IDE: variants seen among roughly 807,000 people sequenced by gnomAD.
The protein encoded by IDE is insulin degrading enzyme.
A neutral mutation model predicts 133.2 loss-of-function variants in IDE; 58 were observed. That is an observed-to-expected ratio of 0.44 (90% CI 0.35 to 0.54). The LOEUF is 0.54. Ranked by LOEUF, IDE falls within the 20% of genes least tolerant of loss-of-function variation. The pLI is 0.00. For missense variants in IDE, 981 were observed against 1,234.0 expected (o/e 0.79, Z 3.07); for synonymous variants, 396 against 421.3 (o/e 0.94, Z 0.73).
rs188048106 is a variant in IDE at position 92,556,034 on chromosome 10, G to A, written c.98+17888C>T. 2.1e-4 allele frequency among the ~76,000 whole-genome samples: 32 copies of A among 151,670 alleles called. No homozygotes were observed. The East Asian group carries it at 2.9e-3, about 14-fold the overall frequency. ...TAAAAATACAAAAAATTAGCGGGGC[G>A]CGGTGGCGGGCGCCTGTAGTCCCAG... On this transcript the variant is annotated intron_variant, in intron 1 of 24. Coordinates refer to ENST00000265986, the MANE Select transcript of IDE (RefSeq NM_004969.4).
At chr10:92,504,728 T>C in intron 11 of IDE, 66 bp downstream of exon 11, 13 of 835,250 alleles carry the variant, frequency 1.6e-5, no homozygotes, top group Non-Finnish European at 2.4e-5. Context: ...CAATTTCAAA[T>C]TTTTTCAGAT....
intron 22 of IDE, 69 bp downstream of exon 22, chr10:92,461,122 T>G: frequency 1.3e-6 from 1 of 771,914 alleles, no homozygotes; most frequent in Non-Finnish European, 2.3e-6. Flanking sequence ...ATTACAGGTG[T>G]AGGCCGCCAT....
chr10:92,482,596 A>G (rs1174464169), intron 14 of IDE, among the ~76,000 whole-genome samples: 2 of 152,112 alleles, frequency 1.3e-5, no homozygotes, highest in East Asian at 3.8e-4. Context: ...ACCCCAAATT[A>G]TTTATTCTTT....
In IDE at chr10:92,461,209, A is replaced by T. The variant is rs749319197; in HGVS notation, c.2805T>A (p.Asp935Glu). The change falls in exon 22 of 25, where the codon GAT becomes GAA. Residue 935 changes from aspartate to glutamate, a missense_variant. By Grantham distance (45) the Asp-to-Glu change is conservative. Around this residue, in one of 2 missense-constraint regions of IDE, gnomAD observed 660 missense variants for 894.7 expected, o/e 0.74. Coordinates refer to ENST00000265986, the MANE Select transcript of IDE (RefSeq NM_004969.4). ...GACTTACCTTGTAGAATTTGATGAT[A>T]TCTTCCTTGGTAAGTGTCTTTAAAT... ...VAYLKTLTKE[D>E]IIKFYKEMLA... 4 of 1,439,562 alleles carry T rather than the reference A, an allele frequency of 2.8e-6. No individual in the cohort carries two copies. Among genetic ancestry groups the T allele is most frequent in the Admixed American group, 1.7e-5 (1 of 59,390 alleles). The allele number at this position is 1,439,562 out of a possible 1,614,324, so 89.2% of individuals were successfully genotyped here.
In IDE at chr10:92,488,959, A is replaced by T. The variant is rs1325265641; in HGVS notation, c.1533+1534T>A. Among the ~76,000 whole-genome samples the T allele has an allele frequency of 1.1e-4, 16 of 141,302 alleles. No individual in the cohort carries two copies. The Admixed American group carries it at 1.1e-3, about 10-fold the overall frequency. The allele number at this position is 141,302 out of a possible 152,430, so 92.7% of individuals were successfully genotyped here. ...AAAAAAAAAAAAAAAAAAAAAAGCA[A>T]CTGGCCAGGAGTAAAAAGCAACCAG... On this transcript the variant is annotated intron_variant, in intron 12 of 24. Coordinates refer to ENST00000265986, the MANE Select transcript of IDE (RefSeq NM_004969.4).
chr10:92,459,880 T>A (rs1025325696), intron 22 of IDE, among the ~76,000 whole-genome samples: 12 of 143,194 alleles, frequency 8.4e-5, no homozygotes, highest in African/African-American at 1.3e-4. Context: ...CCCGGGCTGG[T>A]GTGCAGTGGT....
At chr10:92,559,694 G>C (rs1843185687) in intron 1 of IDE, among the ~76,000 whole-genome samples, 1 of 151,254 alleles carries the variant, frequency 6.6e-6, no homozygotes, top group Non-Finnish European at 1.5e-5. Context: ...TTGTGGTGAT[G>C]GTTGCACAAC....
At chr10:92,551,232 A>C (rs1240127891) in intron 1 of IDE, among the ~76,000 whole-genome samples, 2 of 152,220 alleles carry the variant, frequency 1.3e-5, no homozygotes, top group Non-Finnish European at 2.9e-5. Context: ...AAAAGGAAAA[A>C]AATTCTGGCA....
intron 12 of IDE, among the ~76,000 whole-genome samples, chr10:92,488,775 TA>T (rs755955577): frequency 2.4e-3 from 291 of 121,172 alleles, no homozygotes; most frequent in Non-Finnish European, 2.1e-3. Context: ...AGACTCTGTC[TA>T]AAAAAAAAAA....
Position 92,487,223 on chromosome 10 carries a change from C to T in IDE, c.1629G>A (p.Glu543=), listed in dbSNP as rs1444346539. 1.2e-6 allele frequency: 2 copies of T among 1,613,308 alleles called. No homozygotes were observed. The highest frequency in any genetic ancestry group is 1.7e-6 in the Non-Finnish European group (2 of 1,179,758). The change falls in exon 13 of 25, where the codon GAG becomes GAA. Residue 543 remains glutamate (E), a synonymous_variant. Coordinates refer to ENST00000265986, the MANE Select transcript of IDE (RefSeq NM_004969.4). The stretch of plus-strand genomic sequence containing the variant: ...TAATAAGAGCAGGGTATGGTGTCGC[C>T]TCTTTTTCTAACGGTAAAATCTCAA... ...TNFEILPLEK[E]ATPYPALIKD...
intron 1 of IDE, among the ~76,000 whole-genome samples, chr10:92,557,872 C>T (rs1241230428): frequency 9.5e-5 from 4 of 42,090 alleles, no homozygotes; most frequent in Non-Finnish European, 1.7e-4. Context: ...AAGATTCCAC[C>T]TCAAAAAAAA....
intron 1 of IDE, among the ~76,000 whole-genome samples, chr10:92,569,829 T>C (rs1363550260): frequency 2.0e-5 from 3 of 152,084 alleles, no homozygotes; most frequent in Non-Finnish European, 4.4e-5. Context: ...AAAAAGTTAT[T>C]CCGAGCGCAG....
intron 1 of IDE, among the ~76,000 whole-genome samples, chr10:92,567,449 G>C (rs1358453763): frequency 6.6e-6 from 1 of 152,114 alleles, no homozygotes; most frequent in Non-Finnish European, 1.5e-5. Context: ...TTCTTTCCTT[G>C]TCATTTGTAC....
chr10:92,463,859 G>C lies in IDE; in HGVS notation c.2633C>G (p.Thr878Arg). Residue 878 changes from threonine (T) to arginine (R), a missense_variant, in exon 21 of 25, where the codon ACA becomes AGA. Thr to Arg is a moderately conservative substitution (Grantham distance 71). This residue lies in a region of IDE where 660 missense variants were observed against 894.7 expected (regional missense o/e 0.74). Coordinates refer to ENST00000265986, the MANE Select transcript of IDE (RefSeq NM_004969.4). Reference protein sequence around the residue: ...ITMEKSIEDMTEEAFQKHIQA... With the variant: ...ITMEKSIEDMREEAFQKHIQA... ...AATGTGTTTTTGGAAGGCCTCTTCT[G>C]TCATGTCCTCTATGGACTTTTCCAT... The C allele has an allele frequency of 6.2e-7, 1 of 1,614,194 alleles. No homozygotes were observed. The highest frequency in any genetic ancestry group is 8.5e-7 in the Non-Finnish European group (1 of 1,180,034).
At chr10:92,485,380 A>C (rs1394331356) in intron 13 of IDE, among the ~76,000 whole-genome samples, 1 of 151,860 alleles carries the variant, frequency 6.6e-6, no homozygotes, top group African/African-American at 2.4e-5. Context: ...CAGCCTCCCA[A>C]AGTGCTGGGA....
rs1414647479 is a variant in IDE, at chr10:92,463,744, A to G, written c.2748T>C (p.Tyr916=). The change falls in exon 21 of 25, where the codon TAT becomes TAC. Residue 916 remains tyrosine (Y), a synonymous_variant. Coordinates refer to ENST00000265986, the MANE Select transcript of IDE (RefSeq NM_004969.4). ...KYWGEIISQQ[Y]NFDRDNTEVA... Reference sequence around the variant, plus strand: ...ATTTTACCTTACCTCTGTCAAAATTATATTGCTGGGAGATGATTTCTCCCC... The same window carrying G: ...ATTTTACCTTACCTCTGTCAAAATTGTATTGCTGGGAGATGATTTCTCCCC... 1.9e-6 allele frequency: 3 copies of G among 1,613,812 alleles called. No homozygotes were observed. The highest frequency in any genetic ancestry group is 3.3e-5 in the Admixed American group (2 of 59,992).
intron 15 of IDE, 51 bp from the exon 16 acceptor site, chr10:92,476,045 T>A: frequency 1.3e-6 from 1 of 763,136 alleles, no homozygotes; most frequent in Admixed American, 2.8e-5. Flanking sequence ...ACAAAACAAC[T>A]TCCAAATAAA....
intron 14 of IDE, among the ~76,000 whole-genome samples, chr10:92,480,218 T>C (rs1327057560): frequency 6.6e-6 from 1 of 152,192 alleles, no homozygotes; most frequent in South Asian, 2.1e-4. Context: ...ACCTGCTCCT[T>C]TGACTATACA....
chr10:92,493,203 G>C (rs1847469666), intron 11 of IDE, among the ~76,000 whole-genome samples: 1 of 152,128 alleles, frequency 6.6e-6, no homozygotes, highest in African/African-American at 2.4e-5. Flanking sequence ...AGGGTGTATG[G>C]TATCTCTTAA....
Sources: gnomAD v4.1 joint callset for allele counts (sites outside exome capture counted in the v4.1 genomes callset) on GRCh38, gnomAD v4.1.1 for gene constraint, gnomAD v4.1.1 regional missense constraint, MANE v1.5 for transcripts, NCBI Gene and HGNC (gene_info 2026-07-23, HGNC 2026-07-21) for gene names.